The following DCC variants were observed in gnomAD, a reference collection of about 807,000 sequenced individuals.
DCC encodes the protein netrin receptor DCC.
Under a neutral mutation model 172.5 loss-of-function variants are expected in DCC, and 58 were observed. That is an observed-to-expected ratio of 0.34 (90% CI 0.27 to 0.42). The LOEUF (loss-of-function observed/expected upper bound fraction) is 0.42, where lower values mean the gene tolerates loss of function less well. Among genes scored for constraint, DCC ranks in the 10% least tolerant of loss-of-function variants. The pLI, the probability that DCC is intolerant of heterozygous loss-of-function variation, is 1.00. For synonymous variants in DCC, 709 were observed against 644.5 expected (o/e 1.10, Z -1.52); for missense variants, 1,740 against 1,791.0 (o/e 0.97, Z 0.51).
At chr18:52,342,294 T>C (rs1983681092) in intron 1 of DCC, among the ~76,000 whole-genome samples, 1 of 151,936 alleles carries the variant, frequency 6.6e-6, no homozygotes, top group South Asian at 2.1e-4. Context: ...TGTGTGTGTG[T>C]GTGTGTGCAC....
intron 1 of DCC, among the ~76,000 whole-genome samples, chr18:52,476,637 C>G (rs1989102365): frequency 6.6e-6 from 1 of 152,224 alleles, no homozygotes; most frequent in South Asian, 2.1e-4. Flanking sequence ...CTTGAATGAA[C>G]AAGATTCCCA....
chr18:53,318,569 A>G (rs2057370761), intron 13 of DCC, among the ~76,000 whole-genome samples: 2 of 152,104 alleles, frequency 1.3e-5, no homozygotes, highest in Admixed American at 1.3e-4. Context: ...TCTGTCTAAT[A>G]TTGACAGTGG....
intron 25 of DCC, among the ~76,000 whole-genome samples, chr18:53,469,515 A>T (rs1039686605): frequency 1.3e-5 from 2 of 152,158 alleles, no homozygotes; most frequent in African/African-American, 4.8e-5. Flanking sequence ...AAGAAAAGAA[A>T]AGCATTCAGA....
intron 5 of DCC, among the ~76,000 whole-genome samples, chr18:52,990,316 A>C (rs1419518214): frequency 6.6e-6 from 1 of 152,022 alleles, no homozygotes; most frequent in Non-Finnish European, 1.5e-5. Flanking sequence ...AGAGGCAGGC[A>C]GATCACCTGA....
chr18:52,981,328 TC>T (rs2041205175), intron 5 of DCC, among the ~76,000 whole-genome samples: 1 of 152,114 alleles, frequency 6.6e-6, no homozygotes, highest in Admixed American at 6.6e-5. Context: ...TTTTGACAGT[TC>T]TTTTCTTTTT....
chr18:53,151,017 AG>A (rs1382059529), intron 7 of DCC, among the ~76,000 whole-genome samples: 1 of 152,192 alleles, frequency 6.6e-6, no homozygotes, highest in Non-Finnish European at 1.5e-5. Context: ...CAAGCTGAGT[AG>A]GGGGTATGAC....
chr18:52,555,807 T>C (rs1410778729), intron 1 of DCC, among the ~76,000 whole-genome samples: 1 of 152,188 alleles, frequency 6.6e-6, no homozygotes, highest in African/African-American at 2.4e-5. Flanking sequence ...AAGTCATTAC[T>C]TAAAGGATGT....
chr18:53,260,617 G>A (rs1167528521), intron 12 of DCC, among the ~76,000 whole-genome samples: 1 of 152,066 alleles, frequency 6.6e-6, no homozygotes, highest in Non-Finnish European at 1.5e-5. Context: ...GCCCCTACTG[G>A]GGGGTGCCTC....
intron 5 of DCC, among the ~76,000 whole-genome samples, chr18:52,963,681 C>T (rs972108509): frequency 6.6e-6 from 1 of 152,056 alleles, no homozygotes; most frequent in African/African-American, 2.4e-5. Context: ...AATTCTTAAC[C>T]GTTTGGCCCA....
At chr18:52,920,818 G>C (rs190434335) in intron 3 of DCC, among the ~76,000 whole-genome samples, 12 of 152,166 alleles carry the variant, frequency 7.9e-5, no homozygotes, top group Admixed American at 6.6e-4. Flanking sequence ...GGTACATCTA[G>C]ACAATGGATT....
intron 5 of DCC, among the ~76,000 whole-genome samples, chr18:52,956,531 A>G (rs1469926649): frequency 6.6e-6 from 1 of 152,116 alleles, no homozygotes; most frequent in Non-Finnish European, 1.5e-5. Context: ...GAACAGTGTC[A>G]GTCCTCCAGC....
chr18:52,642,335 G>A (rs1049557778), intron 1 of DCC, among the ~76,000 whole-genome samples: 1 of 151,588 alleles, frequency 6.6e-6, no homozygotes. Flanking sequence ...GAGTGGGAGG[G>A]GGGCAAGGGA....
chr18:52,487,663 T>A (rs1453983363), intron 1 of DCC, among the ~76,000 whole-genome samples: 1 of 151,702 alleles, frequency 6.6e-6, no homozygotes, highest in East Asian at 2.0e-4. Context: ...ATACAAAAAT[T>A]AGCCAGGTGT....
chr18:53,166,563 A>G (rs765925396), intron 8 of DCC, among the ~76,000 whole-genome samples: 22 of 152,268 alleles, frequency 1.4e-4, no homozygotes, highest in Non-Finnish European at 2.1e-4. Flanking sequence ...AATCTGTTTC[A>G]CCCCAACTCC....
intron 5 of DCC, among the ~76,000 whole-genome samples, chr18:53,005,526 A>T (rs1294019761): frequency 6.6e-6 from 1 of 152,160 alleles, no homozygotes; most frequent in African/African-American, 2.4e-5. Flanking sequence ...TGAGGTTAGG[A>T]GTTCAAGGCC....
At chr18:53,095,343 A>C (rs956277780) in intron 7 of DCC, among the ~76,000 whole-genome samples, 3 of 152,184 alleles carry the variant, frequency 2.0e-5, no homozygotes, top group Admixed American at 1.3e-4. Context: ...ATATCAGAAG[A>C]AGCAGTTGTC....
chr18:52,509,624 C>T (rs1425129840), intron 1 of DCC, among the ~76,000 whole-genome samples: 1 of 152,168 alleles, frequency 6.6e-6, no homozygotes, highest in Non-Finnish European at 1.5e-5. Context: ...CCTACAACAG[C>T]TGGTTCACTC....
intron 7 of DCC, among the ~76,000 whole-genome samples, chr18:53,091,844 T>TATCA (rs1480184635): frequency 8.5e-5 from 5 of 58,858 alleles, no homozygotes; most frequent in Non-Finnish European, 1.1e-4. Context: ...TCTATCTATC[T>TATCA]ATCTATCAAT....
chr18:52,652,398 C>A (rs1165186517), intron 1 of DCC, among the ~76,000 whole-genome samples: 1 of 152,158 alleles, frequency 6.6e-6, no homozygotes. Context: ...CTTGCAAGAA[C>A]CCAGCAAGAG....
Sources: gnomAD v4.1 joint callset for allele counts (sites outside exome capture counted in the v4.1 genomes callset) on GRCh38, gnomAD v4.1.1 for gene constraint, MANE v1.5 for transcripts, NCBI Gene and HGNC (gene_info 2026-07-23, HGNC 2026-07-21) for gene names.